The following CLEC16A variants were observed in gnomAD, a reference collection of about 807,000 sequenced individuals.
CLEC16A encodes the protein protein CLEC16A.
In CLEC16A, 51 loss-of-function variants were observed where a neutral mutation model predicts 109.5. The ratio of observed to expected loss-of-function variants is 0.47; its 90% confidence interval spans 0.37 to 0.59. The LOEUF is 0.59. CLEC16A is among the 20% of genes least tolerant of loss of function. CLEC16A has a pLI of 0.00. For missense variants in CLEC16A, 1,339 were observed against 1,394.0 expected (o/e 0.96, Z 0.63); for synonymous variants, 673 against 564.2 (o/e 1.19, Z -2.73).
intron 10 of CLEC16A, among the ~76,000 whole-genome samples, chr16:10,985,482 C>T (rs2043588459): frequency 1.3e-5 from 2 of 151,672 alleles, no homozygotes; most frequent in Non-Finnish European, 2.9e-5. Flanking sequence ...CTGCCCACTG[C>T]TAACTGGGAC....
rs533407843 is a variant in CLEC16A at position 11,012,519 on chromosome 16, C to A, written c.1304-7674C>A. Reference sequence around the variant, plus strand: ...CTGAGGCAGGAGAATGGCGTGAACCCGGGAGGCGGAGCTTGTGGTGAGCCG... The same window carrying A: ...CTGAGGCAGGAGAATGGCGTGAACCAGGGAGGCGGAGCTTGTGGTGAGCCG... On this transcript the variant is annotated intron_variant, in intron 11 of 23. Coordinates refer to ENST00000409790, the MANE Select transcript of CLEC16A (RefSeq NM_015226.3). Among the ~76,000 whole-genome samples the A allele has an allele frequency of 5.1e-5, 7 of 136,546 alleles. No individual in the cohort carries two copies. The East Asian group carries it at 1.6e-3, about 32-fold the overall frequency. The allele number at this position is 136,546 out of a possible 152,430, so 89.6% of individuals were successfully genotyped here.
rs910796840 is a variant in CLEC16A at position 10,985,156 on chromosome 16, T to C, written c.1071+2165T>C. Among the ~76,000 whole-genome samples the C allele has an allele frequency of 1.0e-3, 148 of 146,728 alleles. 3 individuals carry two copies. Among genetic ancestry groups the C allele is most frequent in the Non-Finnish European group, 7.0e-4 (47 of 67,220 alleles). On this transcript the variant is annotated intron_variant, in intron 10 of 23. Transcript: ENST00000409790. ...AGGCGGAGCTTGCAGTGAGCTGAGA[T>C]TGCGCCACTGCACTCCAGCCTGGGC...
chr16:10,989,510 C>T (rs1686352320), intron 10 of CLEC16A, among the ~76,000 whole-genome samples: 1 of 152,202 alleles, frequency 6.6e-6, no homozygotes, highest in African/African-American at 2.4e-5. Flanking sequence ...GCTGGGATTA[C>T]AGGCATGAGC....
At chr16:11,131,791 C>G (rs1029834718) in intron 22 of CLEC16A, among the ~76,000 whole-genome samples, 14 of 152,344 alleles carry the variant, frequency 9.2e-5, no homozygotes, top group Non-Finnish European at 1.5e-4. Context: ...AGTCTGGCCC[C>G]TGCCCTCTTC....
intron 11 of CLEC16A, 132 bp from the exon 12 acceptor site, chr16:11,020,061 T>C: frequency 9.9e-7 from 1 of 1,013,174 alleles, no homozygotes; most frequent in Non-Finnish European, 1.4e-6. Flanking sequence ...GGTGTTCAGG[T>C]CGCTGCTGTC....
intron 12 of CLEC16A, among the ~76,000 whole-genome samples, chr16:11,021,400 TG>T (rs1162711813): frequency 6.6e-6 from 1 of 152,234 alleles, no homozygotes; most frequent in African/African-American, 2.4e-5. Flanking sequence ...CACAGACGGT[TG>T]GGGACAACCT....
intron 19 of CLEC16A, among the ~76,000 whole-genome samples, chr16:11,075,015 T>A (rs929709644): frequency 6.6e-6 from 1 of 152,066 alleles, no homozygotes; most frequent in Admixed American, 6.6e-5. Context: ...TCTACAAAAA[T>A]TTTTTTAAAA....
At chr16:11,087,136 A>C (rs1348190537) in intron 19 of CLEC16A, among the ~76,000 whole-genome samples, 1 of 152,258 alleles carries the variant, frequency 6.6e-6, no homozygotes, top group Non-Finnish European at 1.5e-5. Flanking sequence ...ATCTGAAGCT[A>C]AATAGAGGTT....
In CLEC16A at chr16:11,054,121, G is replaced by A. The variant is rs117222557; in HGVS notation, c.1995+2480G>A. Among the ~76,000 whole-genome samples, 214 of 152,366 alleles carry A rather than the reference G, an allele frequency of 1.4e-3. 6 individuals carry two copies. In the East Asian group the frequency reaches 0.039, roughly 28 times the overall value. ...GATGAGGCTGGGGGTGCTGGCAGGA[G>A]CCAGATCACGGGAGCCTTGGAGCCC... On this transcript the variant is annotated intron_variant, in intron 18 of 23. Transcript: ENST00000409790.
chr16:11,166,463 G>A lies in CLEC16A; in HGVS notation c.2717G>A (p.Gly906Glu), dbSNP rs2241100. Residue 906 changes from glycine (G) to glutamate (E), a missense_variant, in exon 23 of 24, where the codon GGG (glycine) becomes GAG (glutamate). This residue lies in a region of CLEC16A where 1,061 missense variants were observed against 1,006.8 expected (regional missense o/e 1.05). Coordinates refer to ENST00000409790, the MANE Select transcript of CLEC16A (RefSeq NM_015226.3). ...LSSQSPPSAS[G>E]SPSGSGSTSH... Reference sequence around the variant, plus strand: ...TCACAGTCGCCACCCTCCGCCAGCGGGAGCCCCAGCGGCAGCGGGAGCACC... The same window carrying A: ...TCACAGTCGCCACCCTCCGCCAGCGAGAGCCCCAGCGGCAGCGGGAGCACC... 338 of 1,608,378 alleles carry A rather than the reference G, an allele frequency of 2.1e-4. 3 individuals carry two copies. The East Asian group carries it at 6.8e-3, about 32-fold the overall frequency.
At chr16:11,050,108 C>T (rs2047859426) in intron 17 of CLEC16A, among the ~76,000 whole-genome samples, 1 of 152,202 alleles carries the variant, frequency 6.6e-6, no homozygotes, top group Admixed American at 6.5e-5. Flanking sequence ...CAGCATTTGG[C>T]GACGGCCTTC....
chr16:11,155,693 C>T (rs920723287), intron 22 of CLEC16A, among the ~76,000 whole-genome samples: 7 of 152,218 alleles, frequency 4.6e-5, no homozygotes, highest in East Asian at 1.9e-4. Flanking sequence ...TGTCATAGAA[C>T]GTCATCAGCC....
intron 7 of CLEC16A, 93 bp downstream of exon 7, chr16:10,973,154 A>C: frequency 7.1e-7 from 1 of 1,400,592 alleles, no homozygotes; most frequent in Non-Finnish European, 9.7e-7. Context: ...CAAGAACCGC[A>C]CTTCCCTACC....
intron 19 of CLEC16A, among the ~76,000 whole-genome samples, chr16:11,069,654 C>T (rs1283683024): frequency 6.6e-6 from 1 of 151,946 alleles, no homozygotes; most frequent in Non-Finnish European, 1.5e-5. Context: ...GTTGCCCAGG[C>T]TGGTCTCAAG....
chr16:11,116,728 A>G (rs2052022223), intron 19 of CLEC16A, among the ~76,000 whole-genome samples: 1 of 152,180 alleles, frequency 6.6e-6, no homozygotes, highest in South Asian at 2.1e-4. Context: ...CCAGTTTGTT[A>G]TCGTGTGCTT....
chr16:11,134,762 A>T (rs909349419), intron 22 of CLEC16A, among the ~76,000 whole-genome samples: 1 of 152,226 alleles, frequency 6.6e-6, no homozygotes, highest in African/African-American at 2.4e-5. Context: ...TCAACCTGCA[A>T]TGACTGAGCT....
intron 16 of CLEC16A, among the ~76,000 whole-genome samples, chr16:11,046,025 C>G (rs1367206869): frequency 6.6e-6 from 1 of 152,108 alleles, no homozygotes; most frequent in Admixed American, 6.5e-5. Context: ...TTAGAACATC[C>G]CAAACCGCAC....
At chr16:11,057,196 G>C (rs934692087) in intron 18 of CLEC16A, among the ~76,000 whole-genome samples, 9 of 152,010 alleles carry the variant, frequency 5.9e-5, no homozygotes, top group African/African-American at 2.2e-4. Flanking sequence ...AAACTGCTTC[G>C]GCCCTCTTTT....
chr16:11,169,163 C>G (rs889702822), intron 23 of CLEC16A, among the ~76,000 whole-genome samples: 1 of 152,222 alleles, frequency 6.6e-6, no homozygotes, highest in Non-Finnish European at 1.5e-5. Flanking sequence ...GAGGCGATCC[C>G]GTCTCTGTGA....
Sources: allele counts gnomAD v4.1 joint callset (sites outside exome capture counted in the v4.1 genomes callset), GRCh38; gene constraint gnomAD v4.1.1; regional missense constraint gnomAD v4.1.1; transcripts MANE v1.5; gene names NCBI Gene and HGNC (gene_info 2026-07-23, HGNC 2026-07-21).